The following MCTP2 variants were observed in gnomAD, a reference collection of about 807,000 sequenced individuals.
MCTP2 encodes the protein multiple C2 and transmembrane domain-containing protein 2.
Under a neutral mutation model 111.6 loss-of-function variants are expected in MCTP2, and 132 were observed. That is an observed-to-expected ratio of 1.18 (90% CI 1.03 to 1.37). The LOEUF (loss-of-function observed/expected upper bound fraction) is 1.37. Among genes scored for constraint, MCTP2 ranks in the 40% most tolerant of loss-of-function variants. The probability of loss-of-function intolerance (pLI) is 0.00; values close to 1 mark genes in which losing one functional copy is unlikely to be tolerated. For missense variants in MCTP2, 1,183 were observed against 1,067.9 expected, an observed-to-expected ratio of 1.11 and a Z score of -1.50; for synonymous variants, 395 against 387.7, an observed-to-expected ratio of 1.02 and a Z score of -0.22.
At chr15:94,264,795 A>G (rs1407095820) in intron 1 of MCTP2, among the ~76,000 whole-genome samples, 1 of 152,198 alleles carries the variant, frequency 6.6e-6, no homozygotes, top group African/African-American at 2.4e-5. Context: ...CAAAAACAAA[A>G]GAAGGGGAGG....
At chr15:94,334,496 C>G (rs927715460) in intron 4 of MCTP2, among the ~76,000 whole-genome samples, 1 of 152,146 alleles carries the variant, frequency 6.6e-6, no homozygotes, top group Non-Finnish European at 1.5e-5. Flanking sequence ...TATTTAAATA[C>G]ATTTGTAAAA....
At chr15:94,419,374 T>C (rs1202922396) in intron 17 of MCTP2, among the ~76,000 whole-genome samples, 2 of 152,174 alleles carry the variant, frequency 1.3e-5, no homozygotes, top group Non-Finnish European at 2.9e-5. Flanking sequence ...TTTGATTTGG[T>C]AACCTTTCTT....
At chr15:94,250,458 A>T (rs1293056802) in intron 1 of MCTP2, among the ~76,000 whole-genome samples, 1 of 152,188 alleles carries the variant, frequency 6.6e-6, no homozygotes. Flanking sequence ...TGAACACTGG[A>T]TTTTTGTATG....
intron 12 of MCTP2, among the ~76,000 whole-genome samples, chr15:94,380,295 T>A (rs570642838): frequency 1.3e-5 from 2 of 152,200 alleles, no homozygotes; most frequent in South Asian, 4.1e-4. Flanking sequence ...AGATCTGAAA[T>A]GGAAACAACT....
At chr15:94,240,368 T>C (rs943272986) in intron 1 of MCTP2, among the ~76,000 whole-genome samples, 2 of 152,208 alleles carry the variant, frequency 1.3e-5, no homozygotes, top group African/African-American at 4.8e-5. Flanking sequence ...ACCCCTGTTA[T>C]TTGATTTCAA....
chr15:94,382,635 C>G (rs2080209468), intron 12 of MCTP2, among the ~76,000 whole-genome samples: 1 of 152,216 alleles, frequency 6.6e-6, no homozygotes, highest in African/African-American at 2.4e-5. Flanking sequence ...CCTCAGAGCG[C>G]CTGGTTATTA....
intron 20 of MCTP2, among the ~76,000 whole-genome samples, chr15:94,466,838 A>G (rs1220651524): frequency 2.0e-5 from 3 of 151,904 alleles, no homozygotes; most frequent in African/African-American, 7.3e-5. Context: ...TGATATTAGT[A>G]TTTTACTTTC....
At chr15:94,477,772 A>G (rs1295554821) in intron 22 of MCTP2, among the ~76,000 whole-genome samples, 1 of 152,196 alleles carries the variant, frequency 6.6e-6, no homozygotes, top group Non-Finnish European at 1.5e-5. Context: ...GGACTCTGTG[A>G]TGCTATCTTC....
intron 14 of MCTP2, among the ~76,000 whole-genome samples, chr15:94,387,692 AT>A (rs1331147169): frequency 6.6e-6 from 1 of 152,214 alleles, no homozygotes; most frequent in Non-Finnish European, 1.5e-5. Flanking sequence ...AGCTTTTGTT[AT>A]AGTAGCAGGA....
At chr15:94,370,008 G>T in intron 11 of MCTP2, 79 bp from the exon 12 acceptor site, 1 of 770,342 alleles carries the variant, frequency 1.3e-6, no homozygotes, top group Non-Finnish European at 2.0e-6. Context: ...AATCTAGGAT[G>T]CACTTCCTAT....
In MCTP2 at chr15:94,443,114, GAT is replaced by G. The variant is rs985027140; in HGVS notation, c.2250+157_2250+158del. 3.3e-4 allele frequency among the ~76,000 whole-genome samples: 49 copies of G among 150,534 alleles called. 1 individual carries two copies. Among genetic ancestry groups the G allele is most frequent in the Admixed American group, 3.3e-4 (5 of 15,106 alleles). ...TAATATTATTGTAACTTTTAAAAAGGATATCCCTTTTTAAGATTTTTAAAAAT... is the reference window on the plus strand; with the variant it reads ...TAATATTATTGTAACTTTTAAAAAGGATCCCTTTTTAAGATTTTTAAAAAT... On this transcript the variant is annotated intron_variant, in intron 19 of 22. Transcript: ENST00000357742.
intron 17 of MCTP2, among the ~76,000 whole-genome samples, chr15:94,418,243 G>A (rs964511527): frequency 6.6e-6 from 1 of 152,076 alleles, no homozygotes; most frequent in African/African-American, 2.4e-5. Flanking sequence ...GAATCCCATT[G>A]GACTTCTCCC....
At chr15:94,472,331 CAA>C (rs1371663645) in intron 21 of MCTP2, among the ~76,000 whole-genome samples, 18 of 152,178 alleles carry the variant, frequency 1.2e-4, no homozygotes, top group African/African-American at 3.9e-4. Context: ...GAGCTGAGAT[CAA>C]GCCACTGCAC....
Position 94,397,333 on chromosome 15 carries a change from C to A in MCTP2, c.1789-1628C>A, listed in dbSNP as rs547489758. On this transcript the variant is annotated intron_variant, in intron 14 of 22. Coordinates refer to ENST00000357742, the MANE Select transcript of MCTP2 (RefSeq NM_001385001.1). ...TCTCTTTATTCTGATACCTCTTGTT[C>A]TTCTGTTATTCTTTGCCAACCCTTA... 9.2e-5 allele frequency among the ~76,000 whole-genome samples: 14 copies of A among 152,284 alleles called. No homozygotes were observed. In the East Asian group the frequency reaches 2.7e-3, roughly 29 times the overall value.
intron 1 of MCTP2, among the ~76,000 whole-genome samples, chr15:94,236,455 G>T (rs2070574563): frequency 1.6e-5 from 2 of 128,462 alleles, no homozygotes; most frequent in African/African-American, 5.9e-5. Flanking sequence ...TGTACAGATA[G>T]TGACATGGAT....
At chr15:94,341,006 G>T (rs1255782977) in intron 7 of MCTP2, 82 bp downstream of exon 7, 1 of 840,586 alleles carries the variant, frequency 1.2e-6, no homozygotes, top group South Asian at 1.4e-5. Flanking sequence ...TTGATAGCTA[G>T]CAGATGACTG....
intron 17 of MCTP2, chr15:94,402,710 T>C: frequency 6.9e-7 from 1 of 1,450,730 alleles, no homozygotes; most frequent in Non-Finnish European, 9.0e-7. Context: ...GTAAAGGGAC[T>C]TGTCCTTGAT....
At chr15:94,364,443 A>G (rs1164361617) in intron 10 of MCTP2, among the ~76,000 whole-genome samples, 2 of 152,188 alleles carry the variant, frequency 1.3e-5, no homozygotes, top group Non-Finnish European at 2.9e-5. Context: ...TAAGAGCCCA[A>G]CCAGATTATT....
At chr15:94,381,597 C>G (rs951453437) in intron 12 of MCTP2, among the ~76,000 whole-genome samples, 1 of 152,194 alleles carries the variant, frequency 6.6e-6, no homozygotes, top group South Asian at 2.1e-4. Context: ...AAGTGTCAGA[C>G]GGTTTCCCTG....
Sources: gnomAD v4.1 joint callset for allele counts (sites outside exome capture counted in the v4.1 genomes callset) on GRCh38, gnomAD v4.1.1 for gene constraint, MANE v1.5 for transcripts, NCBI Gene and HGNC (gene_info 2026-07-23, HGNC 2026-07-21) for gene names.